Variants in MGAT5 observed in about 807,000 individuals in gnomAD.
MGAT5 encodes alpha-1,6-mannosylglycoprotein 6-beta-N-acetylglucosaminyltransferase, also known as alpha-1,6-mannosylglycoprotein 6-beta-N-acetylglucosaminyltransferase A.
A neutral mutation model predicts 94.3 loss-of-function variants in MGAT5; 30 were observed. The observed-to-expected ratio is 0.32, with a 90% CI of 0.24 to 0.43. MGAT5 has a LOEUF of 0.43. MGAT5 is among the 20% of genes least tolerant of loss of function. The probability of loss-of-function intolerance (pLI) is 1.00; values close to 1 mark genes in which losing one functional copy is unlikely to be tolerated. For missense variants in MGAT5, 691 were observed against 905.5 expected (o/e 0.76, Z 3.04); for synonymous variants, 310 against 322.9 (o/e 0.96, Z 0.43).
At chr2:134,181,736 AT>A (rs1017409642) in intron 1 of MGAT5, among the ~76,000 whole-genome samples, 44 of 152,158 alleles carry the variant, frequency 2.9e-4, no homozygotes, top group African/African-American at 1.0e-3. Flanking sequence ...CACCTTAATT[AT>A]TGCATGCCAC....
At chr2:134,307,451 G>A (rs1320200115) in intron 2 of MGAT5, among the ~76,000 whole-genome samples, 4 of 151,610 alleles carry the variant, frequency 2.6e-5, no homozygotes, top group African/African-American at 9.7e-5. Flanking sequence ...TCAAAATGTT[G>A]TTTCTCCACT....
At chr2:134,166,009 C>T (rs1052023695) in intron 1 of MGAT5, among the ~76,000 whole-genome samples, 2 of 152,152 alleles carry the variant, frequency 1.3e-5, no homozygotes, top group South Asian at 2.1e-4. Context: ...CCTAGTGTCT[C>T]GGCACATAGC....
At chr2:134,412,018 G>C (rs1683694550) in intron 11 of MGAT5, among the ~76,000 whole-genome samples, 1 of 152,222 alleles carries the variant, frequency 6.6e-6, no homozygotes, top group African/African-American at 2.4e-5. Flanking sequence ...CCAGCAGTGT[G>C]AAGTACACCC....
At chr2:134,326,886 G>T (rs549547722) in intron 4 of MGAT5, among the ~76,000 whole-genome samples, 110 of 152,200 alleles carry the variant, frequency 7.2e-4, no homozygotes, top group African/African-American at 2.3e-3. Flanking sequence ...AAGAAGTGCA[G>T]ATATCTGACA....
intron 1 of MGAT5, among the ~76,000 whole-genome samples, chr2:134,247,274 A>G (rs562570485): frequency 2.0e-5 from 3 of 148,636 alleles, no homozygotes; most frequent in Non-Finnish European, 4.5e-5. Flanking sequence ...ACTTCAAGAT[A>G]TGTGACCAAC....
At chr2:134,323,445 C>G (rs1687448315) in intron 4 of MGAT5, among the ~76,000 whole-genome samples, 1 of 152,242 alleles carries the variant, frequency 6.6e-6, no homozygotes, top group Non-Finnish European at 1.5e-5. Flanking sequence ...CAGTCCCCAA[C>G]AGATACTGTG....
Position 134,372,933 on chromosome 2 carries a change from G to A in MGAT5, c.1380+10525G>A, listed in dbSNP as rs1414440013. ...GCTGGCTTGGGAAGCTGGAGGCTCA[G>A]GCAGCCAGTGAACATCCTGAGGGTG... On this transcript the variant is annotated intron_variant, in intron 10 of 15. Coordinates refer to ENST00000281923, the MANE Select transcript of MGAT5 (RefSeq NM_002410.5). Among the ~76,000 whole-genome samples the A allele has an allele frequency of 2.0e-5, 3 of 152,244 alleles. No homozygotes were observed. The East Asian group carries it at 5.8e-4, about 29-fold the overall frequency.
intron 9 of MGAT5, among the ~76,000 whole-genome samples, chr2:134,352,429 T>C (rs986764591): frequency 3.3e-5 from 5 of 152,180 alleles, no homozygotes; most frequent in African/African-American, 1.2e-4. Context: ...TTTTAAGTGA[T>C]AAGAGCCAAC....
chr2:134,250,610 G>C (rs1682536571), upstream of MGAT5, among the ~76,000 whole-genome samples: 1 of 152,170 alleles, frequency 6.6e-6, no homozygotes, highest in South Asian at 2.1e-4. Context: ...AGGAATTGTA[G>C]AGATGCATTC....
chr2:134,180,655 G>A (rs764479385), intron 1 of MGAT5, among the ~76,000 whole-genome samples: 12 of 152,240 alleles, frequency 7.9e-5, no homozygotes, highest in African/African-American at 2.4e-4. Flanking sequence ...TGTGAGGACC[G>A]CACTCCTGCC....
At position 134,254,364 on chromosome 2, in the gene MGAT5, C is replaced by A. The variant is rs376572635; in HGVS notation, c.-40C>A. ...ACCATGAATTTGTGTCTATCTTCTA[C>A]GCGTTAAGAGCCAAGGACAGGTGAA... On this transcript the variant is annotated 5_prime_UTR_variant, in exon 1 of 16. Coordinates refer to ENST00000281923, the MANE Select transcript of MGAT5 (RefSeq NM_002410.5). The A allele has an allele frequency of 1.9e-6, 3 of 1,609,460 alleles. No homozygotes were observed. Among genetic ancestry groups the A allele is most frequent in the Non-Finnish European group, 8.5e-7 (1 of 1,177,486 alleles).
At chr2:134,216,582 T>C (rs1452875802) in intron 1 of MGAT5, among the ~76,000 whole-genome samples, 4 of 152,252 alleles carry the variant, frequency 2.6e-5, no homozygotes, top group Non-Finnish European at 5.9e-5. Context: ...GAAATAGGGC[T>C]GGCACAGGAA....
intron 4 of MGAT5, among the ~76,000 whole-genome samples, chr2:134,331,460 G>T (rs1485984347): frequency 6.6e-6 from 1 of 152,094 alleles, no homozygotes; most frequent in Non-Finnish European, 1.5e-5. Context: ...ATCGATTGTT[G>T]TGTGCGTGTT....
chr2:134,200,761 G>C (rs1679746522), intron 1 of MGAT5, among the ~76,000 whole-genome samples: 1 of 152,138 alleles, frequency 6.6e-6, no homozygotes, highest in South Asian at 2.1e-4. Flanking sequence ...GCTCAAGTCT[G>C]TGATCCTAGC....
At chr2:134,405,071 T>C (rs996096962) in intron 11 of MGAT5, among the ~76,000 whole-genome samples, 3 of 152,238 alleles carry the variant, frequency 2.0e-5, no homozygotes, top group African/African-American at 7.2e-5. Context: ...CTCATGAATG[T>C]CTCTCTCAGC....
In MGAT5 at chr2:134,120,826, G is replaced by C. The variant is rs1685539837; in HGVS notation, c.-143+535G>C. Among the ~76,000 whole-genome samples the C allele has an allele frequency of 7.2e-5, 11 of 152,046 alleles. No homozygotes were observed. The South Asian group carries it at 2.1e-3, about 29-fold the overall frequency. On this transcript the variant is annotated intron_variant, in intron 1 of 16. Coordinates refer to the MGAT5 transcript ENST00000409645. ...GAGGGAGGCTGGCCCCGAGCCCCTA[G>C]GGAGGAGGGATGCGGCGGGCTGGCG...
At chr2:134,386,550 C>G (rs2106227571) in intron 10 of MGAT5, among the ~76,000 whole-genome samples, 1 of 152,314 alleles carries the variant, frequency 6.6e-6, no homozygotes, top group African/African-American at 2.4e-5. Flanking sequence ...TTGCATCTGC[C>G]CTCAGAGGCA....
intron 3 of MGAT5, among the ~76,000 whole-genome samples, chr2:134,318,284 G>A (rs1675106986): frequency 6.6e-6 from 1 of 152,152 alleles, no homozygotes; most frequent in African/African-American, 2.4e-5. Context: ...CATGCTGTGG[G>A]CTGTTGGAAC....
intron 14 of MGAT5, among the ~76,000 whole-genome samples, chr2:134,429,674 A>G (rs909900213): frequency 5.9e-5 from 9 of 152,206 alleles, no homozygotes; most frequent in South Asian, 2.1e-4. Context: ...ACATTATGCT[A>G]TATTGTACTG....
Sources: gnomAD v4.1 joint callset for allele counts (sites outside exome capture counted in the v4.1 genomes callset) on GRCh38, gnomAD v4.1.1 for gene constraint, MANE v1.5 for transcripts, NCBI Gene and HGNC (gene_info 2026-07-23, HGNC 2026-07-21) for gene names.